The following NLRP5 variants were observed in gnomAD, a reference collection of about 807,000 sequenced individuals.
The protein encoded by NLRP5 is NLR family pyrin domain containing 5.
NLRP5 carries 93 observed loss-of-function variants against 113.1 expected under a neutral mutation model. The ratio of observed to expected loss-of-function variants is 0.82; its 90% CI spans 0.70 to 0.98. The LOEUF (loss-of-function observed/expected upper bound fraction) is 0.98. NLRP5 is among the 50% of genes least tolerant of loss of function. The probability of loss-of-function intolerance (pLI) is 0.00; values close to 1 mark genes in which losing one functional copy is unlikely to be tolerated. For missense variants in NLRP5, 1,808 were observed against 1,514.3 expected (o/e 1.19, Z -3.22); for synonymous variants, 751 against 600.7 (o/e 1.25, Z -3.66).
At chr19:56,042,969 A>ATGTG (rs80248924) in intron 11 of NLRP5, among the ~76,000 whole-genome samples, 4 of 151,336 alleles carry the variant, frequency 2.6e-5, no homozygotes, top group East Asian at 1.9e-4. Context: ...TCATATATGT[A>ATGTG]TGTGTGTGTG....
intron 11 of NLRP5, among the ~76,000 whole-genome samples, chr19:56,046,207 A>G (rs1983716623): frequency 6.6e-6 from 1 of 152,166 alleles, no homozygotes; most frequent in African/African-American, 2.4e-5. Context: ...ATCTATTGAA[A>G]TCACGTGATT....
intron 7 of NLRP5, among the ~76,000 whole-genome samples, chr19:56,030,316 G>T (rs886643391): frequency 6.6e-6 from 1 of 152,030 alleles, no homozygotes; most frequent in Non-Finnish European, 1.5e-5. Flanking sequence ...GTTGCAGTGA[G>T]CCAAGATGGC....
At chr19:56,044,020 G>A (rs1983629004) in intron 11 of NLRP5, among the ~76,000 whole-genome samples, 1 of 149,928 alleles carries the variant, frequency 6.7e-6, no homozygotes, top group African/African-American at 2.5e-5. Flanking sequence ...TTTTTCCCAT[G>A]TTATCTTCTA....
At chr19:55,988,896 T>C in the NLRP5 span, among the ~76,000 whole-genome samples, 11 of 152,204 alleles carry the variant, frequency 7.2e-5, no homozygotes, top group Non-Finnish European at 1.5e-4. Flanking sequence ...AGGTGGTTTA[T>C]GTTAACTCAG....
intron 12 of NLRP5, among the ~76,000 whole-genome samples, chr19:56,052,370 G>A (rs1983964511): frequency 1.3e-5 from 2 of 152,132 alleles, no homozygotes; most frequent in African/African-American, 4.8e-5. Context: ...CTGGGTTCAA[G>A]CAATTCTCCT....
intron 3 of NLRP5, among the ~76,000 whole-genome samples, chr19:56,010,593 GA>G (rs112910632): frequency 2.4e-4 from 36 of 147,520 alleles, no homozygotes; most frequent in Non-Finnish European, 4.2e-4. Context: ...AAAAATACAG[GA>G]AAAAAAAAAC....
At position 56,057,173 on chromosome 19, in the gene NLRP5, T is replaced by G. The variant is rs148018919; in HGVS notation, c.3300-1067T>G. On this transcript the variant is annotated intron_variant, in intron 13 of 14. Coordinates refer to ENST00000390649, the MANE Select transcript of NLRP5 (RefSeq NM_153447.4). The stretch of plus-strand genomic sequence containing the variant: ...TTTTTCTTTTTCAATCTAGAATGAT[T>G]AGGACATGTAAAACCTATATACCCA... Among the ~76,000 whole-genome samples, 346 of 152,284 alleles carry G rather than the reference T, an allele frequency of 2.3e-3. 4 individuals carry two copies. Among genetic ancestry groups the G allele is most frequent in the African/African-American group, 7.9e-3 (327 of 41,562 alleles).
chr19:55,991,350 T>C, the NLRP5 span, among the ~76,000 whole-genome samples: 47,837 of 151,712 alleles, frequency 0.32, 7,595 homozygotes, highest in South Asian at 0.35. Context: ...CTTCTTAGAA[T>C]TTTCTTGTCT....
At chr19:55,998,704 GTGTGTGTGTGTATATA>G (rs1981453196), upstream of NLRP5, among the ~76,000 whole-genome samples, 3 of 20,022 alleles carry the variant, frequency 1.5e-4, no homozygotes, top group African/African-American at 4.4e-4. Flanking sequence ...ATATATATAT[GTGTGTGTGTGTATATA>G]TATATATATG....
Position 56,027,072 on chromosome 19 carries a change from G to A in NLRP5, c.839G>A (p.Arg280His), listed in dbSNP as rs200653793. Residue 280 changes from arginine to histidine, a missense_variant, in exon 7 of 15, where the codon CGC becomes CAC. Arg to His is a conservative substitution (Grantham distance 29, BLOSUM62 0). Transcript: ENST00000390649. ...TCAGACCGGTGGGGCTTCCGGCCTC[G>A]CACGGTGGTTCTGCACGGAAAGTCA... is the stretch of plus-strand genomic sequence containing the variant. The A allele has an allele frequency of 9.1e-4, 1,414 of 1,558,546 alleles. 16 individuals carry two copies. In the South Asian group the frequency reaches 0.013, roughly 14 times the overall value.
At position 56,058,028 on chromosome 19, in the gene NLRP5, C is replaced by CAAAAA. The variant is rs10659776; in HGVS notation, c.3300-200_3300-196dup. ...GGGCAACAAGAGTGAAATGCTATCT[C>CAAAAA]AAAAAAAAAAAAAAAAGGCGAATAT... On this transcript the variant is annotated intron_variant, in intron 13 of 14. Coordinates refer to ENST00000390649, the MANE Select transcript of NLRP5 (RefSeq NM_153447.4). Among the ~76,000 whole-genome samples, 126 of 115,686 alleles carry CAAAAA rather than the reference C, an allele frequency of 1.1e-3. 1 individual carries two copies. The highest frequency in any genetic ancestry group is 1.4e-3 in the Non-Finnish European group (75 of 55,426). 75.9% of individuals were successfully genotyped at this position (115,686 alleles called of 152,430 possible).
intron 11 of NLRP5, among the ~76,000 whole-genome samples, chr19:56,047,676 C>T (rs1379614877): frequency 6.6e-6 from 1 of 152,122 alleles, no homozygotes; most frequent in African/African-American, 2.4e-5. Flanking sequence ...GTTCCATGCA[C>T]TGTTGATTAG....
Position 56,027,846 on chromosome 19 carries a change from G to C in NLRP5, c.1613G>C (p.Gly538Ala). The change falls in exon 7 of 15, where the codon GGA (glycine) becomes GCA (alanine). Residue 538 changes from glycine to alanine, a missense_variant. Coordinates refer to ENST00000390649, the MANE Select transcript of NLRP5 (RefSeq NM_153447.4). ...CGCTTCTGCCGTATGGCTGTGGAGG[G>C]AGTGTGGAATAGGAAGTCAGTGTTT... 6.2e-7 allele frequency: 1 copy of C among 1,614,018 alleles called. No homozygotes were observed. Among genetic ancestry groups the C allele is most frequent in the Non-Finnish European group, 8.5e-7 (1 of 1,179,892 alleles).
chr19:56,035,856 G>A (rs1412016703), intron 9 of NLRP5, among the ~76,000 whole-genome samples: 1 of 152,034 alleles, frequency 6.6e-6, no homozygotes, highest in East Asian at 1.9e-4. Flanking sequence ...ACATCGTGAA[G>A]GGTTTCCATT....
At position 56,027,754 on chromosome 19, in the gene NLRP5, T is replaced by G. The variant is rs777142679; in HGVS notation, c.1521T>G (p.Phe507Leu). 4 of 1,613,938 alleles carry G rather than the reference T, an allele frequency of 2.5e-6. No individual in the cohort carries two copies. In the South Asian group the frequency reaches 4.4e-5, roughly 18 times the overall value. ...CAGGCCTGCACGCCGCTTTTGTGTT[T>G]CATCAGCTCACCCCTCGAGGCGTGG... Residue 507 changes from phenylalanine to leucine, a missense_variant, in exon 7 of 15, where the codon TTT becomes TTG. Phe to Leu is a conservative substitution (Grantham distance 22). Transcript: ENST00000390649.
chr19:56,027,154 ACT>A lies in NLRP5; in HGVS notation c.924_925del (p.Tyr309ProfsTer13). On this transcript the variant is annotated frameshift_variant, in exon 7 of 15. Coordinates refer to ENST00000390649, the MANE Select transcript of NLRP5 (RefSeq NM_153447.4). LOFTEE classifies it high-confidence loss of function. ...TCGTGCTGTGCTGGGCGCAAGGTGG[ACT>A]CTACCAGGGAATGTTCTCCTACGTC... The A allele has an allele frequency of 6.2e-7, 1 of 1,602,912 alleles. No homozygotes were observed. The highest frequency in any genetic ancestry group is 1.7e-5 in the Admixed American group (1 of 58,082).
At chr19:56,048,924 T>A (rs961516554) in intron 11 of NLRP5, among the ~76,000 whole-genome samples, 36 of 150,282 alleles carry the variant, frequency 2.4e-4, no homozygotes, top group Admixed American at 7.9e-4. Flanking sequence ...TTTCTGTCTT[T>A]GGTGGATTGG....
chr19:56,037,261 C>T (rs1331066857), intron 9 of NLRP5, among the ~76,000 whole-genome samples: 2 of 152,238 alleles, frequency 1.3e-5, no homozygotes, highest in Admixed American at 1.3e-4. Flanking sequence ...AGCAAATGCT[C>T]GAGTGCCCTT....
At chr19:56,033,856 C>T (rs1983214756) in intron 9 of NLRP5, 147 bp downstream of exon 9, 1 of 675,308 alleles carries the variant, frequency 1.5e-6, no homozygotes. Flanking sequence ...AGTTGAGTGC[C>T]ACTGAATTGC....
Sources: gnomAD v4.1 joint callset for allele counts (sites outside exome capture counted in the v4.1 genomes callset) on GRCh38, gnomAD v4.1.1 for gene constraint, MANE v1.5 for transcripts, NCBI Gene and HGNC (gene_info 2026-07-23, HGNC 2026-07-21) for gene names.